The following SLX4IP variants were observed in gnomAD, a reference collection of about 807,000 sequenced individuals.
The protein encoded by SLX4IP is protein SLX4IP.
A neutral mutation model predicts 32.9 loss-of-function variants in SLX4IP; 34 were observed. The observed-to-expected ratio is 1.03, with a 90% confidence interval of 0.79 to 1.38. The LOEUF (loss-of-function observed/expected upper bound fraction) is 1.38, where lower values mean the gene tolerates loss of function less well. Ranked by LOEUF, SLX4IP falls within the 40% of genes most tolerant of loss-of-function variation. The pLI is 0.00. For missense variants in SLX4IP, 444 were observed against 479.0 expected, an observed-to-expected ratio of 0.93 and a Z score of 0.68; for synonymous variants, 172 against 171.7, an observed-to-expected ratio of 1.00 and a Z score of -0.01.
At chr20:10,482,138 A>G (rs2065528183) in intron 2 of SLX4IP, among the ~76,000 whole-genome samples, 1 of 152,214 alleles carries the variant, frequency 6.6e-6, no homozygotes, top group African/African-American at 2.4e-5. Flanking sequence ...GCCACTTAGA[A>G]GCTGTCTTCC....
chr20:10,524,637 G>T (rs1449826265), intron 2 of SLX4IP, among the ~76,000 whole-genome samples: 1 of 152,208 alleles, frequency 6.6e-6, no homozygotes, highest in Non-Finnish European at 1.5e-5. Flanking sequence ...TGACCTGTGG[G>T]GATACAGGAT....
At chr20:10,586,487 A>C (rs905409074) in intron 4 of SLX4IP, among the ~76,000 whole-genome samples, 4 of 152,230 alleles carry the variant, frequency 2.6e-5, no homozygotes, top group Admixed American at 6.5e-5. Context: ...TTAATCAGTC[A>C]CAAGGAATGC....
chr20:10,523,394 A>C (rs771888962), intron 2 of SLX4IP, among the ~76,000 whole-genome samples: 1 of 152,194 alleles, frequency 6.6e-6, no homozygotes, highest in African/African-American at 2.4e-5. Flanking sequence ...ATAATTATTA[A>C]ATTGCCTAAA....
At chr20:10,459,414 G>A (rs918704879) in intron 2 of SLX4IP, among the ~76,000 whole-genome samples, 7 of 152,126 alleles carry the variant, frequency 4.6e-5, no homozygotes, top group Admixed American at 2.0e-4. Context: ...TGCTTTTGGT[G>A]TTTTGGGGAC....
At chr20:10,467,071 G>C (rs2065386456) in intron 2 of SLX4IP, among the ~76,000 whole-genome samples, 1 of 152,198 alleles carries the variant, frequency 6.6e-6, no homozygotes, top group Non-Finnish European at 1.5e-5. Context: ...CAGAGAAAGA[G>C]ACAGTTGAAT....
At chr20:10,586,805 GT>G (rs764877160) in intron 4 of SLX4IP, among the ~76,000 whole-genome samples, 1 of 152,002 alleles carries the variant, frequency 6.6e-6, no homozygotes, top group Non-Finnish European at 1.5e-5. Context: ...GAAAACTAAG[GT>G]GAAATAGAAA....
At chr20:10,612,559 T>A (rs1427713476) in intron 6 of SLX4IP, among the ~76,000 whole-genome samples, 1 of 152,200 alleles carries the variant, frequency 6.6e-6, no homozygotes, top group Non-Finnish European at 1.5e-5. Flanking sequence ...CTATTATTAT[T>A]ATTGAGATGC....
chr20:10,551,869 C>T (rs935320285), intron 2 of SLX4IP, among the ~76,000 whole-genome samples: 4 of 152,190 alleles, frequency 2.6e-5, no homozygotes, highest in Admixed American at 2.6e-4. Flanking sequence ...CTCTGAGCTG[C>T]AGCAGGAGTG....
intron 3 of SLX4IP, among the ~76,000 whole-genome samples, chr20:10,557,499 C>T (rs1303309391): frequency 1.3e-5 from 2 of 152,200 alleles, no homozygotes; most frequent in Non-Finnish European, 2.9e-5. Flanking sequence ...CCTACTGCCA[C>T]TTACCTTCAT....
chr20:10,445,118 G>A (rs1292838981), intron 1 of SLX4IP, among the ~76,000 whole-genome samples: 1 of 151,990 alleles, frequency 6.6e-6, no homozygotes, highest in East Asian at 1.9e-4. Context: ...AGCTCCCAGA[G>A]GATATACAAG....
chr20:10,601,362 T>G (rs748770419), intron 5 of SLX4IP, among the ~76,000 whole-genome samples: 1 of 152,178 alleles, frequency 6.6e-6, no homozygotes. Flanking sequence ...ATATTCTTCC[T>G]CTTCCTCTAA....
intron 4 of SLX4IP, among the ~76,000 whole-genome samples, chr20:10,596,488 C>T (rs2066772772): frequency 6.6e-6 from 1 of 152,082 alleles, no homozygotes. Context: ...TTTGGCCCCT[C>T]AAAGTACTGA....
chr20:10,465,785 C>T (rs879257549), intron 2 of SLX4IP, among the ~76,000 whole-genome samples: 31 of 152,340 alleles, frequency 2.0e-4, no homozygotes, highest in African/African-American at 6.5e-4. Context: ...GGATTATAGG[C>T]GTGAGCCACT....
chr20:10,461,917 A>G (rs925384814), intron 2 of SLX4IP, among the ~76,000 whole-genome samples: 5 of 152,150 alleles, frequency 3.3e-5, no homozygotes, highest in African/African-American at 1.2e-4. Flanking sequence ...AGCTGGGACC[A>G]CAGGCATGCA....
intron 2 of SLX4IP, among the ~76,000 whole-genome samples, chr20:10,539,963 A>G (rs1766182069): frequency 6.6e-6 from 1 of 152,216 alleles, no homozygotes; most frequent in South Asian, 2.1e-4. Context: ...CAGCATCAGC[A>G]TCACCTGGGA....
chr20:10,546,300 T>C (rs996612683), intron 2 of SLX4IP, among the ~76,000 whole-genome samples: 2 of 152,220 alleles, frequency 1.3e-5, no homozygotes, highest in Admixed American at 6.5e-5. Flanking sequence ...TGCAGAAATA[T>C]GTAAGAGGAG....
chr20:10,515,534 A>G (rs1044578219), intron 2 of SLX4IP, among the ~76,000 whole-genome samples: 1 of 152,244 alleles, frequency 6.6e-6, no homozygotes, highest in African/African-American at 2.4e-5. Context: ...GTTTTGGCTT[A>G]TTTAAAAGTG....
intron 2 of SLX4IP, among the ~76,000 whole-genome samples, chr20:10,465,623 AGCCTCCCAAGTAGCTGGGAT>A (rs1423493018): frequency 2.6e-5 from 4 of 152,176 alleles, no homozygotes; most frequent in Non-Finnish European, 5.9e-5. Context: ...CTCTTGTCTC[AGCCTCCCAAGTAGCTGGGAT>A]TACAGGCACA....
intron 2 of SLX4IP, among the ~76,000 whole-genome samples, chr20:10,523,404 A>G (rs571542757): frequency 1.3e-5 from 2 of 152,294 alleles, no homozygotes; most frequent in Admixed American, 1.3e-4. Context: ...AATTGCCTAA[A>G]TTGTCTTCCT....
Sources: gnomAD v4.1 joint callset for allele counts (sites outside exome capture counted in the v4.1 genomes callset) on GRCh38, gnomAD v4.1.1 for gene constraint, MANE v1.5 for transcripts, NCBI Gene and HGNC (gene_info 2026-07-23, HGNC 2026-07-21) for gene names.